Variants in SSH2 observed in about 807,000 individuals in gnomAD.
SSH2 encodes slingshot protein phosphatase 2.
A neutral mutation model predicts 135.2 loss-of-function variants in SSH2; 37 were observed. The observed-to-expected ratio is 0.27, with a 90% CI of 0.21 to 0.36. SSH2 has a LOEUF of 0.36. SSH2 is among the 10% of genes least tolerant of loss of function. The pLI is 1.00. For synonymous variants in SSH2, 628 were observed against 646.2 expected (o/e 0.97, Z 0.43); for missense variants, 1,408 against 1,765.3 (o/e 0.80, Z 3.63).
chr17:29,876,015 A>T (rs2066023626), intron 1 of SSH2, among the ~76,000 whole-genome samples: 1 of 151,142 alleles, frequency 6.6e-6, no homozygotes, highest in Non-Finnish European at 1.5e-5. Context: ...AAGATATTCC[A>T]TGTTCATGGA....
chr17:29,724,774 G>A (rs1253822916), intron 3 of SSH2, among the ~76,000 whole-genome samples: 1 of 150,326 alleles, frequency 6.7e-6, no homozygotes, highest in African/African-American at 2.4e-5. Context: ...TATTTTAGTA[G>A]AGACAAGGTT....
intron 2 of SSH2, among the ~76,000 whole-genome samples, chr17:29,830,384 A>G (rs574522734): frequency 1.2e-4 from 18 of 152,286 alleles, no homozygotes; most frequent in African/African-American, 2.4e-5. Context: ...CATTTCCCCA[A>G]GAAAGCTTTC....
intron 11 of SSH2, among the ~76,000 whole-genome samples, chr17:29,658,642 C>T (rs936132448): frequency 3.3e-4 from 50 of 151,980 alleles, no homozygotes; most frequent in African/African-American, 8.5e-4. Flanking sequence ...CCGAGGCAGA[C>T]GGATCACCTG....
intron 2 of SSH2, among the ~76,000 whole-genome samples, chr17:29,841,892 A>ATTTTTTTTTTTTTTT (rs770836134): frequency 9.0e-5 from 9 of 99,646 alleles, no homozygotes; most frequent in African/African-American, 3.5e-4. Flanking sequence ...CCCTTGGCTA[A>ATTTTTTTTTTTTTTT]TTTTTTTTTT....
intron 9 of SSH2, among the ~76,000 whole-genome samples, chr17:29,670,090 C>G (rs1013723147): frequency 6.6e-6 from 1 of 151,928 alleles, no homozygotes; most frequent in Admixed American, 6.6e-5. Context: ...CCATGTTGGC[C>G]AGGCTGGTCT....
At chr17:29,683,804 G>A (rs2038089117) in intron 6 of SSH2, among the ~76,000 whole-genome samples, 1 of 152,044 alleles carries the variant, frequency 6.6e-6, no homozygotes, top group Non-Finnish European at 1.5e-5. Flanking sequence ...AAATAGCTGG[G>A]TATGGTGGTG....
intron 1 of SSH2, among the ~76,000 whole-genome samples, chr17:29,884,217 C>T (rs2066191177): frequency 6.6e-6 from 1 of 152,186 alleles, no homozygotes; most frequent in South Asian, 2.1e-4. Flanking sequence ...TCACAGGTGG[C>T]TTCCACACTA....
chr17:29,791,908 CT>C (rs2042071846), intron 3 of SSH2, among the ~76,000 whole-genome samples: 1 of 146,018 alleles, frequency 6.8e-6, no homozygotes, highest in South Asian at 2.1e-4. Flanking sequence ...TATGATTCTT[CT>C]TCTTCCTCTT....
At chr17:29,669,209 A>AT in intron 9 of SSH2, among the ~76,000 whole-genome samples, 1 of 152,198 alleles carries the variant, frequency 6.6e-6, no homozygotes, top group Admixed American at 6.5e-5. Flanking sequence ...AGATAGTGCC[A>AT]TTGCACTCCA....
chr17:29,755,583 C>T (rs144404059), intron 3 of SSH2, among the ~76,000 whole-genome samples: 90 of 152,004 alleles, frequency 5.9e-4, no homozygotes, highest in African/African-American at 2.1e-3. Context: ...ACCCACACTC[C>T]GAAAGTCATA....
chr17:29,719,055 A>T (rs1055663416), intron 3 of SSH2, among the ~76,000 whole-genome samples: 2 of 152,142 alleles, frequency 1.3e-5, no homozygotes, highest in Non-Finnish European at 2.9e-5. Flanking sequence ...GGACTATACA[A>T]GGATAGCAAT....
chr17:29,856,253 T>C, intron 1 of SSH2: 1 of 294,688 alleles, frequency 3.4e-6, no homozygotes, highest in South Asian at 3.1e-5. Flanking sequence ...TCCACAACAG[T>C]TAAAAACAAA....
intron 3 of SSH2, among the ~76,000 whole-genome samples, chr17:29,781,294 T>G (rs1264790831): frequency 1.3e-5 from 2 of 151,920 alleles, no homozygotes; most frequent in Non-Finnish European, 2.9e-5. Context: ...ACCAAATAGG[T>G]TTGAATAAAG....
intron 2 of SSH2, among the ~76,000 whole-genome samples, chr17:29,804,736 A>G (rs1018382700): frequency 1.3e-5 from 2 of 151,768 alleles, no homozygotes; most frequent in African/African-American, 4.8e-5. Context: ...CAAAGGCACG[A>G]TCATAGCTCA....
At chr17:29,925,628 G>C (rs2067050680) in intron 1 of SSH2, 3 of 395,126 alleles carry the variant, frequency 7.6e-6, no homozygotes, top group Non-Finnish European at 1.3e-5. Context: ...AGGATCACTT[G>C]AGCCCACGAA....
At chr17:29,634,645 C>T (rs2035820762) in intron 15 of SSH2, among the ~76,000 whole-genome samples, 1 of 152,110 alleles carries the variant, frequency 6.6e-6, no homozygotes, top group Admixed American at 6.5e-5. Flanking sequence ...CTCCACCTCC[C>T]GGGTTCAAGC....
intron 3 of SSH2, among the ~76,000 whole-genome samples, chr17:29,709,925 T>C (rs993798183): frequency 6.6e-6 from 1 of 152,212 alleles, no homozygotes; most frequent in African/African-American, 2.4e-5. Flanking sequence ...GCTTTAAATA[T>C]ATTTGGGAAA....
At chr17:29,705,450 G>C (rs1245808208) in intron 3 of SSH2, among the ~76,000 whole-genome samples, 2 of 151,954 alleles carry the variant, frequency 1.3e-5, no homozygotes, top group Admixed American at 6.6e-5. Context: ...ACAAACCCCA[G>C]GTGCTGTATC....
chr17:29,667,802 T>C (rs530272904), intron 9 of SSH2, among the ~76,000 whole-genome samples: 3 of 152,324 alleles, frequency 2.0e-5, no homozygotes, highest in Admixed American at 2.0e-4. Flanking sequence ...AATGACATGC[T>C]GATAACCATG....
Sources: allele counts gnomAD v4.1 joint callset (sites outside exome capture counted in the v4.1 genomes callset), GRCh38; gene constraint gnomAD v4.1.1; transcripts MANE v1.5; gene names NCBI Gene and HGNC (gene_info 2026-07-23, HGNC 2026-07-21).